Variants in PLXDC2 observed in about 807,000 individuals in gnomAD.
PLXDC2 encodes the protein plexin domain containing 2.
In PLXDC2, 40 loss-of-function variants were observed where a neutral mutation model predicts 68.9. The ratio of observed to expected loss-of-function variants is 0.58; its 90% CI spans 0.45 to 0.76. PLXDC2 has a LOEUF of 0.76. PLXDC2 is among the 30% of genes least tolerant of loss of function. The pLI is 0.00. For missense variants in PLXDC2, 644 were observed against 661.9 expected (o/e 0.97, Z 0.30); for synonymous variants, 243 against 234.2 (o/e 1.04, Z -0.34).
chr10:19,855,913 A>G (rs974481292), intron 1 of PLXDC2, among the ~76,000 whole-genome samples: 3 of 152,100 alleles, frequency 2.0e-5, no homozygotes, highest in Non-Finnish European at 2.9e-5. Context: ...GTGAAATCCC[A>G]TCTGTACTAA....
At chr10:20,031,300 G>A (rs113930063) in intron 2 of PLXDC2, among the ~76,000 whole-genome samples, 2,666 of 151,970 alleles carry the variant, frequency 0.018, 75 homozygotes, top group African/African-American at 0.061. Flanking sequence ...AGCCCATGAG[G>A]GCCAGGCTGC....
chr10:20,005,794 C>T (rs1302276858), intron 2 of PLXDC2, among the ~76,000 whole-genome samples: 1 of 152,140 alleles, frequency 6.6e-6, no homozygotes, highest in Admixed American at 6.5e-5. Context: ...ACACCTCCCA[C>T]CAGGCCCCAC....
At chr10:20,116,798 T>TA (rs1473305643) in intron 4 of PLXDC2, among the ~76,000 whole-genome samples, 1 of 152,164 alleles carries the variant, frequency 6.6e-6, no homozygotes, top group Non-Finnish European at 1.5e-5. Context: ...TATTCAGTCT[T>TA]ACAAAAATTT....
At chr10:19,925,516 T>G (rs1208914262) in intron 1 of PLXDC2, among the ~76,000 whole-genome samples, 1 of 152,240 alleles carries the variant, frequency 6.6e-6, no homozygotes, top group African/African-American at 2.4e-5. Flanking sequence ...GATTATGTAT[T>G]TAATCATTAA....
rs12244631 is a variant in PLXDC2 at position 20,129,362 on chromosome 10, G to T, written c.542-13933G>T. ...TTGAGCGGAGTTCTTTATATATTTT[G>T]AATAATGACCCCTTAGCAGATATGT... On this transcript the variant is annotated intron_variant, in intron 4 of 13. Coordinates refer to ENST00000377252, the MANE Select transcript of PLXDC2 (RefSeq NM_032812.9). Among the ~76,000 whole-genome samples, 1,204 of 151,986 alleles carry T rather than the reference G, an allele frequency of 7.9e-3. 15 individuals carry two copies. The highest frequency in any genetic ancestry group is 0.027 in the African/African-American group (1,134 of 41,476).
chr10:20,032,944 C>T (rs1835524391), intron 2 of PLXDC2, among the ~76,000 whole-genome samples: 1 of 148,358 alleles, frequency 6.7e-6, no homozygotes, highest in Non-Finnish European at 1.5e-5. Flanking sequence ...AAGAAAGGAT[C>T]CACACTGCAT....
intron 2 of PLXDC2, 152 bp downstream of exon 2, chr10:20,002,138 AACT>A (rs1467896648): frequency 2.5e-6 from 2 of 788,664 alleles, no homozygotes; most frequent in Non-Finnish European, 4.0e-6. Flanking sequence ...TAAATATAAT[AACT>A]AAGCCACTTT....
rs1836092371 is a variant in PLXDC2, at chr10:20,282,356, A to T, written c.*2537A>T. 1 of 152,144 alleles carries T rather than the reference A, an allele frequency of 6.6e-6. No individual in the cohort carries two copies. The highest frequency in any genetic ancestry group is 1.5e-5 in the Non-Finnish European group (1 of 68,020). The allele number at this position is 152,144 out of a possible 1,614,324, so 9.4% of individuals were successfully genotyped here. ...AACATACAGTTTCTGAAAATTCAAAATGGTCATCAATGCTTTGGACTTTAC... is the reference window on the plus strand; with the variant it reads ...AACATACAGTTTCTGAAAATTCAAATTGGTCATCAATGCTTTGGACTTTAC... On this transcript the variant is annotated 3_prime_UTR_variant, in exon 14 of 14. Transcript: ENST00000377252.
chr10:19,850,266 CCTAA>C (rs1837088536), intron 1 of PLXDC2, among the ~76,000 whole-genome samples: 1 of 144,998 alleles, frequency 6.9e-6, no homozygotes, highest in South Asian at 2.1e-4. Context: ...ACTGCACCTG[CCTAA>C]CTGATAGGTT....
intron 4 of PLXDC2, among the ~76,000 whole-genome samples, chr10:20,081,125 G>T (rs1306172561): frequency 2.0e-5 from 3 of 152,086 alleles, no homozygotes; most frequent in African/African-American, 7.2e-5. Context: ...CCAGAACAAA[G>T]ACCTTCCTAG....
At chr10:20,029,695 AG>A (rs1297808504) in intron 2 of PLXDC2, among the ~76,000 whole-genome samples, 1 of 152,248 alleles carries the variant, frequency 6.6e-6, no homozygotes, top group Non-Finnish European at 1.5e-5. Context: ...CCAGGTTTAT[AG>A]ATCGGAAAGA....
Position 20,009,029 on chromosome 10 carries a change from A to G in PLXDC2, c.324+7043A>G, listed in dbSNP as rs552012099. Among the ~76,000 whole-genome samples the G allele has an allele frequency of 7.2e-5, 11 of 152,312 alleles. No homozygotes were observed. In the South Asian group the frequency reaches 8.3e-4, roughly 11 times the overall value. On this transcript the variant is annotated intron_variant, in intron 2 of 13. Coordinates refer to ENST00000377252, the MANE Select transcript of PLXDC2 (RefSeq NM_032812.9). ...AAAACGGACTAATACAAGAGAGTAC[A>G]TTGGATTATCCATAGATGTGGAAAA...
intron 1 of PLXDC2, among the ~76,000 whole-genome samples, chr10:19,854,059 C>T (rs1245348519): frequency 2.0e-5 from 3 of 152,230 alleles, no homozygotes; most frequent in East Asian, 3.9e-4. Context: ...CCTTGACCCC[C>T]CGGGGAGACT....
Position 19,910,591 on chromosome 10 carries a change from CTTTTTTT to C in PLXDC2, c.113-91167_113-91161del, listed in dbSNP as rs1006322581. On this transcript the variant is annotated intron_variant, in intron 1 of 13. Transcript: ENST00000377252. ...AGAGACATCACTTTTTAAGTGGTTG[CTTTTTTT>C]TTTTTTTTTTTTTTTTGAAGTTCTT... is the stretch of plus-strand genomic sequence containing the variant. Among the ~76,000 whole-genome samples, 507 of 92,560 alleles carry C rather than the reference CTTTTTTT, an allele frequency of 5.5e-3. 1 individual carries two copies. Among genetic ancestry groups the C allele is most frequent in the African/African-American group, 0.02 (466 of 23,436 alleles). 60.7% of individuals were successfully genotyped at this position (92,560 alleles called of 152,430 possible).
chr10:19,829,520 A>C (rs1836645414), intron 1 of PLXDC2, among the ~76,000 whole-genome samples: 1 of 152,104 alleles, frequency 6.6e-6, no homozygotes, highest in East Asian at 1.9e-4. Flanking sequence ...CAGGCCAGGC[A>C]CGGGGGCTCA....
Position 20,046,929 on chromosome 10 carries a change from C to G in PLXDC2, c.385C>G (p.Arg129Gly). 6.2e-7 allele frequency: 1 copy of G among 1,611,878 alleles called. No homozygotes were observed. The highest frequency in any genetic ancestry group is 8.5e-7 in the Non-Finnish European group (1 of 1,178,954). ...RIYGPSDSAS[R>G]DLWVNIDQME... ...ATATGGTCCATCTGATTCTGCCAGC[C>G]GGGATTTATGGGTGAACATAGACCA... is the stretch of plus-strand genomic sequence containing the variant. Residue 129 changes from arginine to glycine, a missense_variant, in exon 3 of 14, where the codon CGG becomes GGG. Physicochemically the swap from Arg to Gly is moderately radical, Grantham distance 125. This residue lies in a region of PLXDC2 where 201 missense variants were observed against 166.9 expected (regional missense o/e 1.20). Transcript: ENST00000377252.
At chr10:20,008,960 T>C (rs1420639493) in intron 2 of PLXDC2, among the ~76,000 whole-genome samples, 1 of 152,200 alleles carries the variant, frequency 6.6e-6, no homozygotes, top group African/African-American at 2.4e-5. Context: ...TCTCTTTTTC[T>C]TTATAAATTA....
chr10:20,179,063 G>C (rs1834566553), intron 9 of PLXDC2, among the ~76,000 whole-genome samples: 1 of 152,064 alleles, frequency 6.6e-6, no homozygotes, highest in South Asian at 2.1e-4. Flanking sequence ...TAAAGAGACG[G>C]CATTTTAATA....
At chr10:20,043,364 A>G (rs758054513) in intron 2 of PLXDC2, 2 of 152,208 alleles carry the variant, frequency 1.3e-5, no homozygotes, top group South Asian at 2.1e-4. Context: ...GTATTTTCAC[A>G]TAGTATGTCA....
Sources: gnomAD v4.1 joint callset for allele counts (sites outside exome capture counted in the v4.1 genomes callset) on GRCh38, gnomAD v4.1.1 for gene constraint, gnomAD v4.1.1 regional missense constraint, MANE v1.5 for transcripts, NCBI Gene and HGNC (gene_info 2026-07-23, HGNC 2026-07-21) for gene names.